Variants in EXT1 observed in about 807,000 individuals in gnomAD.
EXT1 encodes the protein exostosin-1.
A neutral mutation model predicts 82.5 loss-of-function variants in EXT1; 20 were observed. That is an observed-to-expected ratio of 0.24 (90% CI 0.17 to 0.35). The LOEUF (loss-of-function observed/expected upper bound fraction) is 0.35. EXT1 is among the 10% of genes least tolerant of loss of function. The pLI is 1.00. For synonymous variants in EXT1, 348 were observed against 350.8 expected (o/e 0.99, Z 0.09); for missense variants, 757 against 936.5 (o/e 0.81, Z 2.50).
chr8:117,956,195 TC>T (rs957846503), intron 1 of EXT1, among the ~76,000 whole-genome samples: 2 of 146,840 alleles, frequency 1.4e-5, no homozygotes, highest in African/African-American at 5.0e-5. Flanking sequence ...AAAAAACAAG[TC>T]GGGGATCCCA....
In EXT1 at chr8:117,799,503, C is replaced by G. The variant is rs550800616; in HGVS notation, c.*209G>C. On this transcript the variant is annotated 3_prime_UTR_variant, in exon 11 of 11. Coordinates refer to ENST00000378204, the MANE Select transcript of EXT1 (RefSeq NM_000127.3). ...CAACCTAGTCTTGGGACACAGAAGC[C>G]AGTGAGGTGAGTTTGGAGCAGTCTG... 1.0e-5 allele frequency: 6 copies of G among 596,840 alleles called. No homozygotes were observed. The highest frequency in any genetic ancestry group is 1.8e-5 in the Non-Finnish European group (6 of 335,370). 37.0% of individuals were successfully genotyped at this position (596,840 alleles called of 1,614,324 possible). A position where few individuals can be genotyped will look rare whatever the true frequency, so the allele number is the denominator to read the frequency against.
chr8:117,902,955 A>C (rs1355450764), intron 1 of EXT1, among the ~76,000 whole-genome samples: 1 of 152,238 alleles, frequency 6.6e-6, no homozygotes, highest in East Asian at 1.9e-4. Flanking sequence ...AACCTTACAA[A>C]GAAAAGTTGT....
chr8:117,946,183 G>A (rs1428968102), intron 1 of EXT1, among the ~76,000 whole-genome samples: 1 of 152,224 alleles, frequency 6.6e-6, no homozygotes, highest in East Asian at 1.9e-4. Context: ...ACAGGTGTGA[G>A]CTACCGCGCC....
chr8:117,823,514 A>G (rs979958555), intron 4 of EXT1, among the ~76,000 whole-genome samples: 8 of 152,062 alleles, frequency 5.3e-5, no homozygotes, highest in Non-Finnish European at 8.8e-5. Context: ...ATTAAAAAAA[A>G]AAAAGAAAAA....
intron 1 of EXT1, among the ~76,000 whole-genome samples, chr8:117,985,907 T>C (rs942658014): frequency 6.6e-6 from 1 of 152,222 alleles, no homozygotes; most frequent in East Asian, 1.9e-4. Context: ...GTTATCACTT[T>C]GTTTTCTCCC....
intron 1 of EXT1, among the ~76,000 whole-genome samples, chr8:117,910,489 C>G (rs1404957588): frequency 6.6e-6 from 1 of 152,124 alleles, no homozygotes; most frequent in African/African-American, 2.4e-5. Flanking sequence ...GAAAACACAT[C>G]TAGTTTTGCT....
At chr8:117,942,514 C>T (rs1363800697) in intron 1 of EXT1, among the ~76,000 whole-genome samples, 2 of 152,204 alleles carry the variant, frequency 1.3e-5, no homozygotes, top group Admixed American at 6.5e-5. Context: ...GAGTTCCAGA[C>T]CAGACTGACC....
intron 8 of EXT1, 49 bp downstream of exon 8, chr8:117,812,823 G>A (rs377567436): frequency 3.8e-5 from 57 of 1,505,386 alleles, no homozygotes; most frequent in Non-Finnish European, 4.8e-5. Flanking sequence ...GCAACATGAG[G>A]TGACTGCCTG....
rs141814719 is a variant in EXT1 at position 118,045,996 on chromosome 8, A to T, written c.962+64089T>A. 4.2e-3 allele frequency among the ~76,000 whole-genome samples: 645 copies of T among 151,944 alleles called. 4 individuals are homozygous for T. The highest frequency in any genetic ancestry group is 0.014 in the African/African-American group (597 of 41,420). On this transcript the variant is annotated intron_variant, in intron 1 of 10. Coordinates refer to ENST00000378204, the MANE Select transcript of EXT1 (RefSeq NM_000127.3). ...TTTTTAGTAGAGACAGGGTTTCACCATGTTGGCCAGGCTGGTCTCAAACTC... is the reference window on the plus strand; with the variant it reads ...TTTTTAGTAGAGACAGGGTTTCACCTTGTTGGCCAGGCTGGTCTCAAACTC...
At chr8:118,096,117 A>G (rs901523674) in intron 1 of EXT1, among the ~76,000 whole-genome samples, 2 of 152,212 alleles carry the variant, frequency 1.3e-5, no homozygotes, top group Non-Finnish European at 1.5e-5. Flanking sequence ...ATGTGAGCCA[A>G]AAGTTTTATT....
At chr8:117,858,844 G>A (rs187294636) in intron 1 of EXT1, among the ~76,000 whole-genome samples, 22 of 85,332 alleles carry the variant, frequency 2.6e-4, no homozygotes, top group East Asian at 1.0e-3. Context: ...AAGGAAGGAA[G>A]GAAAGAAAGA....
chr8:117,808,898 A>G (rs1326199011), intron 8 of EXT1, among the ~76,000 whole-genome samples: 1 of 152,108 alleles, frequency 6.6e-6, no homozygotes, highest in African/African-American at 2.4e-5. Context: ...CAGGGCCTGA[A>G]TACAAAACAA....
At chr8:117,871,952 T>C (rs17475070) in intron 1 of EXT1, among the ~76,000 whole-genome samples, 7,146 of 151,902 alleles carry the variant, frequency 0.047, 390 homozygotes, top group African/African-American at 0.14. Context: ...TAGCGAGACC[T>C]TGTCTCTGCT....
intron 1 of EXT1, among the ~76,000 whole-genome samples, chr8:117,933,106 TCA>T: frequency 6.6e-6 from 1 of 152,316 alleles, no homozygotes. Flanking sequence ...TATGCTACAC[TCA>T]CTTTTCGCCT....
At chr8:118,063,391 C>A (rs1379054432) in intron 1 of EXT1, among the ~76,000 whole-genome samples, 2 of 152,136 alleles carry the variant, frequency 1.3e-5, no homozygotes, top group African/African-American at 2.4e-5. Flanking sequence ...TCATTGAAAG[C>A]AGCTACTTAT....
chr8:117,808,585 G>C (rs577423313), intron 8 of EXT1, among the ~76,000 whole-genome samples: 2 of 152,216 alleles, frequency 1.3e-5, no homozygotes, highest in East Asian at 1.9e-4. Context: ...ATCTCTTCTG[G>C]ATAAGCAATA....
At chr8:117,845,690 C>G (rs975113635) in intron 1 of EXT1, among the ~76,000 whole-genome samples, 1 of 152,026 alleles carries the variant, frequency 6.6e-6, no homozygotes, top group Non-Finnish European at 1.5e-5. Context: ...TCAAGTGATC[C>G]TCCCACATCC....
At chr8:117,939,303 G>A (rs1409558169) in intron 1 of EXT1, among the ~76,000 whole-genome samples, 2 of 152,120 alleles carry the variant, frequency 1.3e-5, no homozygotes, top group East Asian at 1.9e-4. Flanking sequence ...TAGTGACCAG[G>A]CACAGTGGCT....
intron 1 of EXT1, among the ~76,000 whole-genome samples, chr8:118,035,197 A>AG: frequency 6.6e-6 from 1 of 152,164 alleles, no homozygotes; most frequent in African/African-American, 2.4e-5. Flanking sequence ...GGTGTAACTT[A>AG]ACCCTCAGGC....
Sources: allele counts gnomAD v4.1 joint callset (sites outside exome capture counted in the v4.1 genomes callset), GRCh38; gene constraint gnomAD v4.1.1; transcripts MANE v1.5; gene names NCBI Gene and HGNC (gene_info 2026-07-23, HGNC 2026-07-21).